The following ZIC4 variants were observed in gnomAD, a reference collection of about 807,000 sequenced individuals.
ZIC4 encodes Zic family zinc finger 4, also known as zinc finger protein ZIC 4.
ZIC4 carries 15 observed loss-of-function variants against 28.8 expected under a neutral mutation model. The observed-to-expected ratio is 0.52, with a 90% CI of 0.35 to 0.80. The LOEUF (loss-of-function observed/expected upper bound fraction) is 0.80. ZIC4 is among the 30% of genes least tolerant of loss of function. The pLI, the probability that ZIC4 is intolerant of heterozygous loss-of-function variation, is 0.01. For synonymous variants in ZIC4, 220 were observed against 198.1 expected, an observed-to-expected ratio of 1.11 and a Z score of -0.93; for missense variants, 512 against 467.1, an observed-to-expected ratio of 1.10 and a Z score of -0.89.
chr3:147,405,000 G>T (rs998348294), intron 1 of ZIC4, among the ~76,000 whole-genome samples: 1 of 152,250 alleles, frequency 6.6e-6, no homozygotes, highest in Non-Finnish European at 1.5e-5. Flanking sequence ...CTGAGCCAGA[G>T]AGGAAACTGG....
intron 2 of ZIC4, among the ~76,000 whole-genome samples, chr3:147,399,020 C>T (rs368808962): frequency 6.6e-6 from 1 of 151,974 alleles, no homozygotes; most frequent in African/African-American, 2.4e-5. Context: ...TACTTAGACA[C>T]GTCCAGGTCT....
chr3:147,388,798 G>C lies in ZIC4; in HGVS notation c.*61C>G. On this transcript the variant is annotated 3_prime_UTR_variant, in exon 5 of 5. Transcript: ENST00000383075. ...GCGCGGGCCCTTTGATGTAGCAGGCGCGAGATGCGGGGCGCTCAGCTGCGC... is the reference window on the plus strand; with the variant it reads ...GCGCGGGCCCTTTGATGTAGCAGGCCCGAGATGCGGGGCGCTCAGCTGCGC... 2 of 769,290 alleles carry C rather than the reference G, an allele frequency of 2.6e-6. No homozygotes were observed. Among genetic ancestry groups the C allele is most frequent in the Non-Finnish European group, 4.8e-6 (2 of 414,602 alleles). 47.7% of individuals were successfully genotyped at this position (769,290 alleles called of 1,614,324 possible). A position where few individuals can be genotyped will look rare whatever the true frequency, so the allele number is the denominator to read the frequency against.
intron 3 of ZIC4, chr3:147,391,902 T>C (rs1362485503): frequency 2.2e-6 from 2 of 919,712 alleles, no homozygotes; most frequent in Non-Finnish European, 2.6e-6. Context: ...TTTACAGGAA[T>C]GGAGCCCCCT....
chr3:147,399,180 C>T (rs945960108), intron 2 of ZIC4, among the ~76,000 whole-genome samples: 2 of 152,142 alleles, frequency 1.3e-5, no homozygotes, highest in African/African-American at 4.8e-5. Flanking sequence ...AGTTTTGTGA[C>T]TAGACTCTCA....
chr3:147,390,957 C>A lies in ZIC4; in HGVS notation c.978G>T (p.Ala326=), dbSNP rs765073929. 10 of 1,611,288 alleles carry A rather than the reference C, an allele frequency of 6.2e-6. No homozygotes were observed. The South Asian group carries it at 1.1e-4, about 18-fold the overall frequency. Residue 326 remains alanine, a synonymous_variant, in exon 4 of 5, where the codon GCG becomes GCT. Transcript: ENST00000383075. ...KSQVASSAAV[A]ARTADLSE ...ATTCGCTCAAGTCGGCGGTACGCGC[C>A]GCCACCGCCGCCGAGGAGGCCACCT...
chr3:147,389,978 T>G (rs2086879355), intron 4 of ZIC4, among the ~76,000 whole-genome samples: 1 of 152,098 alleles, frequency 6.6e-6, no homozygotes, highest in South Asian at 2.1e-4. Flanking sequence ...CTACAGGGGT[T>G]GGGGTGGGAA....
chr3:147,405,377 G>T, intron 1 of ZIC4: 4 of 1,536,188 alleles, frequency 2.6e-6, no homozygotes, highest in Non-Finnish European at 3.5e-6. Flanking sequence ...CATGACCTTG[G>T]AATCCAAAGG....
chr3:147,402,432 G>T (rs1576463995), intron 2 of ZIC4, among the ~76,000 whole-genome samples: 1 of 152,186 alleles, frequency 6.6e-6, no homozygotes, highest in East Asian at 1.9e-4. Context: ...ATTGCAGAAG[G>T]TCAGGGGTGG....
chr3:147,388,716 C>T lies in ZIC4; in HGVS notation c.*143G>A. 3.0e-6 allele frequency: 2 copies of T among 668,280 alleles called. No homozygotes were observed. Among genetic ancestry groups the T allele is most frequent in the Non-Finnish European group, 5.5e-6 (2 of 366,578 alleles). 41.4% of individuals were successfully genotyped at this position (668,280 alleles called of 1,614,324 possible). A position where few individuals can be genotyped will look rare whatever the true frequency, so the allele number is the denominator to read the frequency against. The stretch of plus-strand genomic sequence containing the variant: ...GGATTTCAGTGCGACTTGCACATTG[C>T]CATAGAAATCCTAACTTACCATGAA... On this transcript the variant is annotated 3_prime_UTR_variant, in exon 5 of 5. Coordinates refer to ENST00000383075, the MANE Select transcript of ZIC4 (RefSeq NM_032153.6).
intron 4 of ZIC4, among the ~76,000 whole-genome samples, 173 bp downstream of exon 4, chr3:147,390,758 T>C (rs1417013286): frequency 6.6e-6 from 1 of 152,202 alleles, no homozygotes; most frequent in Non-Finnish European, 1.5e-5. Flanking sequence ...CCTCGCCCTC[T>C]TCATGCCTCA....
chr3:147,391,199 C>A lies in ZIC4; in HGVS notation c.736G>T (p.Ala246Ser). Reference protein sequence around the residue: ...CEFEGCERRFANSSDRKKHSH... With the variant: ...CEFEGCERRFSNSSDRKKHSH... ...TGCTTCTTACGGTCGCTGCTGTTGG[C>A]GAAGCGCCGCTCGCAGCCCTCGAAC... is the stretch of plus-strand genomic sequence containing the variant. The change falls in exon 4 of 5, where the codon GCC becomes TCC. Residue 246 changes from alanine (A) to serine (S), a missense_variant. This residue lies in a region of ZIC4 where 58 missense variants were observed against 93.8 expected (regional missense o/e 0.62). Transcript: ENST00000383075. The A allele has an allele frequency of 1.9e-6, 3 of 1,605,890 alleles. No individual in the cohort carries two copies. The highest frequency in any genetic ancestry group is 2.6e-6 in the Non-Finnish European group (3 of 1,173,710).
chr3:147,400,631 C>T (rs113721656), intron 2 of ZIC4, among the ~76,000 whole-genome samples: 71 of 152,326 alleles, frequency 4.7e-4, no homozygotes, highest in African/African-American at 1.6e-3. Flanking sequence ...AAGGACATTT[C>T]CCCAGAGACA....
At chr3:147,395,605 G>C (rs1276976325) in intron 3 of ZIC4, among the ~76,000 whole-genome samples, 3 of 152,110 alleles carry the variant, frequency 2.0e-5, no homozygotes, top group Non-Finnish European at 4.4e-5. Flanking sequence ...GCACACACAG[G>C]GTCTTAGGCA....
rs995199991 is a variant in ZIC4, at chr3:147,406,500, T to C, written c.-153A>G. The C allele has an allele frequency of 3.6e-4, 55 of 152,652 alleles. No homozygotes were observed. Among genetic ancestry groups the C allele is most frequent in the African/African-American group, 1.3e-3 (55 of 41,516 alleles). 9.5% of individuals were successfully genotyped at this position (152,652 alleles called of 1,614,324 possible). On this transcript the variant is annotated 5_prime_UTR_variant, in exon 1 of 5. Transcript: ENST00000383075. ...ATCCTTCACTTCTCCTTTTCCAGCT[T>C]TCAGGAAGCAGTTAGGGAATGTATG...
chr3:147,388,974 C>A, intron 4 of ZIC4, 115 bp from the exon 5 acceptor site: 3 of 696,910 alleles, frequency 4.3e-6, no homozygotes, highest in Admixed American at 4.8e-5. Flanking sequence ...AAACAGAAGA[C>A]AAAGAAAAAA....
Position 147,391,096 on chromosome 3 carries a change from G to C in ZIC4, c.839C>G (p.Ser280Trp). ...GTGCACCTTCATGTGCTTACGCAGCGAGCTGGGGTGCGTGTAGCACTTGTC... is the reference window on the plus strand; with the variant it reads ...GTGCACCTTCATGTGCTTACGCAGCCAGCTGGGGTGCGTGTAGCACTTGTC... Reference protein sequence around the residue: ...GCDKCYTHPSSLRKHMKVHGR... With the variant: ...GCDKCYTHPSWLRKHMKVHGR... Residue 280 changes from serine (S) to tryptophan (W), a missense_variant, in exon 4 of 5, where the codon TCG (serine) becomes TGG (tryptophan). This residue lies in a region of ZIC4 where 144 missense variants were observed against 116.8 expected (regional missense o/e 1.23). Transcript: ENST00000383075. 1 of 1,614,134 alleles carries C rather than the reference G, an allele frequency of 6.2e-7. No homozygotes were observed. The highest frequency in any genetic ancestry group is 8.5e-7 in the Non-Finnish European group (1 of 1,180,038).
chr3:147,387,799 GGAAATTC>G lies in ZIC4; in HGVS notation c.*1053_*1059del, dbSNP rs2086821667. ...GAAGAGTGGCACGGAAAGCCAGAGT[GGAAATTC>G]CCAAGGGCACAGTCTGAACTCCTCA... On this transcript the variant is annotated 3_prime_UTR_variant, in exon 5 of 5. Transcript: ENST00000383075. 1 of 152,534 alleles carries G rather than the reference GGAAATTC, an allele frequency of 6.6e-6. No individual in the cohort carries two copies. The highest frequency in any genetic ancestry group is 2.4e-5 in the African/African-American group (1 of 41,410). The allele number at this position is 152,534 out of a possible 1,614,324, so 9.4% of individuals were successfully genotyped here.
chr3:147,391,871 T>C (rs2086928877), intron 3 of ZIC4: 1 of 685,142 alleles, frequency 1.5e-6, no homozygotes, highest in Non-Finnish European at 1.8e-6. Context: ...TTCTGAGCAA[T>C]GATTCACTTC....
In ZIC4 at chr3:147,396,135, G is replaced by T. The variant is rs999449047; in HGVS notation, c.405C>A (p.Ala135=). Residue 135 remains alanine, a synonymous_variant, in exon 3 of 5, where the codon GCC becomes GCA. Transcript: ENST00000383075. The surrounding 1 kb of genome is among the most constrained non-coding windows in gnomAD (Gnocchi z 4.2). The part of the protein sequence containing the change: ...KQELICKWLA[A]DGTATPSLCS... ...AGAGGCTCGGGGTCGCGGTGCCGTC[G>T]GCCGCCAGCCACTTGCAGATGAGCT... 1 of 1,612,720 alleles carries T rather than the reference G, an allele frequency of 6.2e-7. No individual in the cohort carries two copies. Among genetic ancestry groups the T allele is most frequent in the Non-Finnish European group, 8.5e-7 (1 of 1,179,820 alleles).
Sources: allele counts gnomAD v4.1 joint callset (sites outside exome capture counted in the v4.1 genomes callset), GRCh38; gene constraint gnomAD v4.1.1; regional missense constraint gnomAD v4.1.1; non-coding constraint Gnocchi (gnomAD v3.1); transcripts MANE v1.5; gene names NCBI Gene and HGNC (gene_info 2026-07-23, HGNC 2026-07-21).